Variants in ATRNL1 observed in about 807,000 individuals in gnomAD.
ATRNL1 encodes the protein attractin-like protein 1.
A neutral mutation model predicts 182.7 loss-of-function variants in ATRNL1; 95 were observed. The ratio of observed to expected loss-of-function variants is 0.52; its 90% CI spans 0.44 to 0.62. The LOEUF (loss-of-function observed/expected upper bound fraction) is 0.62, where lower values mean the gene tolerates loss of function less well. Ranked by LOEUF, ATRNL1 falls within the 20% of genes least tolerant of loss-of-function variation. The pLI is 0.00. For missense variants in ATRNL1, 1,471 were observed against 1,679.5 expected, an observed-to-expected ratio of 0.88 and a Z score of 2.17; for synonymous variants, 576 against 568.3, an observed-to-expected ratio of 1.01 and a Z score of -0.19.
At chr10:115,340,029 T>C (rs1004659408) in intron 19 of ATRNL1, among the ~76,000 whole-genome samples, 7 of 152,244 alleles carry the variant, frequency 4.6e-5, no homozygotes, top group African/African-American at 1.7e-4. Flanking sequence ...GTTGAACCAT[T>C]CTTGCATTCC....
At chr10:115,543,646 G>A (rs1405680747) in intron 25 of ATRNL1, among the ~76,000 whole-genome samples, 2 of 151,754 alleles carry the variant, frequency 1.3e-5, no homozygotes, top group Non-Finnish European at 2.9e-5. Flanking sequence ...CCACCAGAGG[G>A]TATTTATTTG....
intron 27 of ATRNL1, among the ~76,000 whole-genome samples, chr10:115,769,089 T>C (rs1292268855): frequency 6.6e-6 from 1 of 152,090 alleles, no homozygotes; most frequent in African/African-American, 2.4e-5. Context: ...ACATTGCCAA[T>C]CATAAGACAG....
intron 17 of ATRNL1, among the ~76,000 whole-genome samples, chr10:115,305,938 T>G (rs1326944223): frequency 1.2e-4 from 18 of 152,334 alleles, no homozygotes; most frequent in African/African-American, 4.1e-4. Flanking sequence ...ATTAATCTTA[T>G]ATTTTTCTTT....
At chr10:115,306,669 T>G (rs1853747650) in intron 17 of ATRNL1, among the ~76,000 whole-genome samples, 1 of 152,160 alleles carries the variant, frequency 6.6e-6, no homozygotes, top group Non-Finnish European at 1.5e-5. Context: ...CTCTTTACTC[T>G]TGTTGCAAAT....
intron 5 of ATRNL1, among the ~76,000 whole-genome samples, chr10:115,136,022 G>C (rs1554876570): frequency 7.0e-6 from 1 of 143,586 alleles, no homozygotes; most frequent in Non-Finnish European, 1.6e-5. Context: ...ACCATTCCCA[G>C]CTAATTAAAT....
At chr10:115,244,867 G>A (rs1013144719) in intron 10 of ATRNL1, among the ~76,000 whole-genome samples, 1 of 151,990 alleles carries the variant, frequency 6.6e-6, no homozygotes, top group African/African-American at 2.4e-5. Flanking sequence ...AGATAATAGA[G>A]GATAACAGAA....
At chr10:115,273,053 A>G (rs1455280145) in intron 13 of ATRNL1, among the ~76,000 whole-genome samples, 1 of 152,164 alleles carries the variant, frequency 6.6e-6, no homozygotes, top group African/African-American at 2.4e-5. Context: ...AGCTGTATCA[A>G]CCTTCCTCCA....
intron 18 of ATRNL1, among the ~76,000 whole-genome samples, chr10:115,326,071 A>C (rs1854861641): frequency 6.6e-6 from 1 of 152,164 alleles, no homozygotes; most frequent in Non-Finnish European, 1.5e-5. Context: ...TCTATGAAAC[A>C]GTACCTTGCC....
At chr10:115,172,372 T>C (rs1361946743) in intron 8 of ATRNL1, among the ~76,000 whole-genome samples, 2 of 143,636 alleles carry the variant, frequency 1.4e-5, no homozygotes, top group Admixed American at 6.8e-5. Context: ...CTCAGATGGC[T>C]GTGTTTTATT....
intron 27 of ATRNL1, among the ~76,000 whole-genome samples, chr10:115,765,125 C>G (rs1948826516): frequency 6.6e-6 from 1 of 152,140 alleles, no homozygotes; most frequent in South Asian, 2.1e-4. Flanking sequence ...AATTATGCTG[C>G]TACAAACATC....
chr10:115,785,619 C>T (rs1056053059), intron 27 of ATRNL1, among the ~76,000 whole-genome samples: 1 of 152,218 alleles, frequency 6.6e-6, no homozygotes. Flanking sequence ...GTTAACCACA[C>T]ACCTAATCTA....
At chr10:115,434,249 C>A (rs1238655525) in intron 21 of ATRNL1, among the ~76,000 whole-genome samples, 1 of 151,968 alleles carries the variant, frequency 6.6e-6, no homozygotes. Flanking sequence ...TAGTTTTTCC[C>A]AAACTGGAAA....
At chr10:115,775,881 C>T (rs113479214) in intron 27 of ATRNL1, among the ~76,000 whole-genome samples, 2 of 151,448 alleles carry the variant, frequency 1.3e-5, no homozygotes, top group South Asian at 2.1e-4. Flanking sequence ...TTGCTTTAAC[C>T]CGGGAGGCGG....
intron 5 of ATRNL1, among the ~76,000 whole-genome samples, chr10:115,140,747 A>G (rs1326534280): frequency 1.3e-5 from 2 of 152,162 alleles, no homozygotes; most frequent in Non-Finnish European, 2.9e-5. Context: ...ATAAGGATTG[A>G]AGTTGGCTGT....
intron 26 of ATRNL1, among the ~76,000 whole-genome samples, chr10:115,668,137 T>G (rs1861108937): frequency 6.6e-6 from 1 of 152,096 alleles, no homozygotes; most frequent in Non-Finnish European, 1.5e-5. Context: ...CTCCATGACT[T>G]TCTTGCTTTT....
intron 26 of ATRNL1, among the ~76,000 whole-genome samples, chr10:115,565,744 A>G (rs1854038469): frequency 1.3e-5 from 2 of 152,084 alleles, no homozygotes; most frequent in Non-Finnish European, 2.9e-5. Context: ...AAAACTTTAA[A>G]AGTCGTTATA....
intron 28 of ATRNL1, among the ~76,000 whole-genome samples, chr10:115,877,920 TAG>T (rs1369886213): frequency 6.6e-6 from 1 of 152,216 alleles, no homozygotes; most frequent in African/African-American, 2.4e-5. Context: ...AATGGACACT[TAG>T]AGTCTTGTGT....
intron 17 of ATRNL1, among the ~76,000 whole-genome samples, chr10:115,305,661 T>G (rs1554925944): frequency 6.6e-6 from 1 of 152,164 alleles, no homozygotes; most frequent in African/African-American, 2.4e-5. Context: ...TATTGTTCAA[T>G]GAAAGAAGCT....
intron 25 of ATRNL1, among the ~76,000 whole-genome samples, chr10:115,540,777 G>A (rs1425908237): frequency 2.0e-5 from 3 of 147,686 alleles, no homozygotes; most frequent in African/African-American, 7.4e-5. Flanking sequence ...AAAAAAGGGG[G>A]GAGGGAACAG....
Sources: allele counts gnomAD v4.1 joint callset (sites outside exome capture counted in the v4.1 genomes callset), GRCh38; gene constraint gnomAD v4.1.1; transcripts MANE v1.5; gene names NCBI Gene and HGNC (gene_info 2026-07-23, HGNC 2026-07-21).